Variants in NFKBID observed in about 807,000 individuals in gnomAD.
NFKBID encodes the protein NF-kappa-B inhibitor delta.
NFKBID carries 26 observed loss-of-function variants against 53.4 expected under a neutral mutation model. The observed-to-expected ratio is 0.49, with a 90% confidence interval of 0.36 to 0.68. The LOEUF (loss-of-function observed/expected upper bound fraction) is 0.68, where lower values mean the gene tolerates loss of function less well. Ranked by LOEUF, NFKBID falls within the 30% of genes least tolerant of loss-of-function variation. NFKBID has a pLI of 0.00. For missense variants in NFKBID, 493 were observed against 614.1 expected (o/e 0.80, Z 2.08); for synonymous variants, 262 against 259.8 (o/e 1.01, Z -0.08).
Position 35,898,801 on chromosome 19 carries a change from T to C in NFKBID, c.83A>G (p.His28Arg), listed in dbSNP as rs568595129. ...CTTCTTCACGGTTTGCGTTGGGCAG[T>C]GGCTGCGCTCACCCCTGCTCACTGT... Residue 28 changes from histidine (H) to arginine (R), a missense_variant, in exon 2 of 12, where the codon CAC (histidine) becomes CGC (arginine). Physicochemically the swap from His to Arg is conservative, Grantham distance 29 (BLOSUM62 0). Around this residue, in one of 2 missense-constraint regions of NFKBID, gnomAD observed 226 missense variants for 229.5 expected, o/e 0.98. Coordinates refer to ENST00000641389, the Ensembl canonical transcript of NFKBID. 9.1e-6 allele frequency: 14 copies of C among 1,536,034 alleles called. 1 individual carries two copies. The South Asian group carries it at 1.7e-4, about 18-fold the overall frequency.
At chr19:35,900,611 G>A in exon 1 of NFKBID, 3 of 1,229,904 alleles carry the variant, frequency 2.4e-6, no homozygotes, top group Non-Finnish European at 3.0e-6. Context: ...GGCAGGGCCC[G>A]CCCACAGGCC....
intron 11 of NFKBID, among the ~76,000 whole-genome samples, chr19:35,889,538 G>T (rs184038036): frequency 4.6e-4 from 70 of 152,074 alleles, no homozygotes; most frequent in African/African-American, 1.6e-3. Context: ...CAGGTAAGAG[G>T]TCAAAGGTCA....
At chr19:35,893,291 T>A (rs1974904017) in intron 9 of NFKBID, among the ~76,000 whole-genome samples, 1 of 152,162 alleles carries the variant, frequency 6.6e-6, no homozygotes, top group African/African-American at 2.4e-5. Context: ...AATTTCACCT[T>A]CTCTGTATTG....
intron 9 of NFKBID, 53 bp downstream of exon 9, chr19:35,895,927 T>C: frequency 1.9e-6 from 3 of 1,556,388 alleles, no homozygotes; most frequent in Non-Finnish European, 2.6e-6. Flanking sequence ...GACATCCAAG[T>C]GGCCCCATTC....
In NFKBID at chr19:35,899,497, T is replaced by C. The variant is rs1445331783; in HGVS notation, c.62-675A>G. Among the ~76,000 whole-genome samples the C allele has an allele frequency of 5.6e-5, 8 of 144,092 alleles. No individual in the cohort carries two copies. The East Asian group carries it at 1.2e-3, about 22-fold the overall frequency. The allele number at this position is 144,092 out of a possible 152,430, so 94.5% of individuals were successfully genotyped here. Reference sequence around the variant, plus strand: ...TGAACCCGGGAGGCGGAGGTTGAGGTTGCAGTAAGCGGAGATCGCGCTACT... The same window carrying C: ...TGAACCCGGGAGGCGGAGGTTGAGGCTGCAGTAAGCGGAGATCGCGCTACT... On this transcript the variant is annotated intron_variant, in intron 1 of 11. Coordinates refer to ENST00000641389, the Ensembl canonical transcript of NFKBID.
At position 35,900,428 on chromosome 19, in the gene NFKBID, C is replaced by G. The variant is rs1975497578; in HGVS notation, c.61+14G>C. 1 of 1,231,516 alleles carries G rather than the reference C, an allele frequency of 8.1e-7. No individual in the cohort carries two copies. The highest frequency in any genetic ancestry group is 1.0e-6 in the Non-Finnish European group (1 of 987,412). 76.3% of individuals were successfully genotyped at this position (1,231,516 alleles called of 1,614,324 possible). ...CTCTTAGGGGGCCGAACGCGTCCTG[C>G]CCGCGCCCATTACCTCGGGGATTCC... is the stretch of plus-strand genomic sequence containing the variant. On this transcript the variant is annotated intron_variant, in intron 1 of 11. Transcript: ENST00000641389.
exon 12 of NFKBID, chr19:35,888,513 A>C: frequency 7.1e-7 from 1 of 1,402,240 alleles, no homozygotes; most frequent in South Asian, 1.2e-5. Flanking sequence ...GCTGTCCCGC[A>C]GGACGGTGGG....
At position 35,896,811 on chromosome 19, in the gene NFKBID, G is replaced by A; in HGVS notation, c.599C>T (p.Ala200Val). The A allele has an allele frequency of 6.2e-7, 1 of 1,614,076 alleles. No individual in the cohort carries two copies. Among genetic ancestry groups the A allele is most frequent in the Non-Finnish European group, 8.5e-7 (1 of 1,179,954 alleles). ...ATATGCCGCCCAGCGCAGCCCCCGAGCCGCAAACAGGTGAAGGAGCCTGAG... is the reference window on the plus strand; with the variant it reads ...ATATGCCGCCCAGCGCAGCCCCCGAACCGCAAACAGGTGAAGGAGCCTGAG... Residue 200 changes from alanine (A) to valine (V), a missense_variant, in exon 6 of 12, where the codon GCT becomes GTT. Ala to Val is a moderately conservative substitution (Grantham distance 64). Around this residue, in one of 2 missense-constraint regions of NFKBID, gnomAD observed 267 missense variants for 384.6 expected, o/e 0.69. Transcript: ENST00000641389. The surrounding 1 kb of genome is among the most constrained non-coding windows in gnomAD (Gnocchi z 5.7).
At chr19:35,899,719 G>A (rs1439304261) in intron 1 of NFKBID, 1 of 152,004 alleles carries the variant, frequency 6.6e-6, no homozygotes. Flanking sequence ...TTCCGAGCCT[G>A]GGTTCCGGCG....
At chr19:35,901,483 C>T (rs1432307561), upstream of NFKBID, 1 of 152,218 alleles carries the variant, frequency 6.6e-6, no homozygotes, top group Non-Finnish European at 1.5e-5. Flanking sequence ...AGCTGGCATT[C>T]CAGTGGGAGG....
Position 35,896,940 on chromosome 19 carries a change from A to C in NFKBID, c.551T>G (p.Leu184Arg). Residue 184 changes from leucine (L) to arginine (R), a missense_variant, in exon 5 of 12, where the codon CTG becomes CGG. By Grantham distance (102) the Leu-to-Arg change is moderately radical. Around this residue, in one of 2 missense-constraint regions of NFKBID, gnomAD observed 267 missense variants for 384.6 expected, o/e 0.69. Transcript: ENST00000641389. The surrounding 1 kb of genome is among the most constrained non-coding windows in gnomAD (Gnocchi z 5.7). The stretch of plus-strand genomic sequence containing the variant: ...GTCCCCCTCCTCATCCTGGGCCAGC[A>C]GCTGCTGTGGCCCCAAAGCCAGCAT... The C allele has an allele frequency of 6.2e-7, 1 of 1,607,434 alleles. No individual in the cohort carries two copies. Among genetic ancestry groups the C allele is most frequent in the Non-Finnish European group, 8.5e-7 (1 of 1,175,780 alleles).
chr19:35,889,807 G>T, intron 11 of NFKBID, 83 bp downstream of exon 11: 1 of 1,372,066 alleles, frequency 7.3e-7, no homozygotes, highest in African/African-American at 1.4e-5. Context: ...TTCTCTGAAA[G>T]CGAGCATTGG....
intron 3 of NFKBID, 86 bp downstream of exon 3, chr19:35,898,386 C>G: frequency 2.4e-6 from 2 of 817,316 alleles, no homozygotes; most frequent in Non-Finnish European, 3.9e-6. Flanking sequence ...GGGCCTGACT[C>G]CCAGGTGTCC....
Position 35,896,478 on chromosome 19 carries a change from G to A in NFKBID, c.745C>T (p.Leu249=), listed in dbSNP as rs751478496. Residue 249 remains leucine (L), a synonymous_variant, in exon 7 of 12, where the codon CTG becomes TTG. Transcript: ENST00000641389. This position sits in a 1 kb window ranked among gnomAD's most constrained non-coding sequence, Gnocchi z 5.7. ...TCAGCGGCATTGGGCTCTGCTCCCA[G>A]GTTCAACAGATCCTCCACAATCAGG... The A allele has an allele frequency of 2.5e-6, 4 of 1,614,062 alleles. No homozygotes were observed. In the South Asian group the frequency reaches 3.3e-5, roughly 13 times the overall value.
chr19:35,896,186 A>C lies in NFKBID; in HGVS notation c.883+32T>G. ...TGCACCCACCTCGCCCAGCCACACCAACCACACCAGCCCTGCCCACACCCA... is the reference window on the plus strand; with the variant it reads ...TGCACCCACCTCGCCCAGCCACACCCACCACACCAGCCCTGCCCACACCCA... On this transcript the variant is annotated intron_variant, in intron 8 of 11. Coordinates refer to ENST00000641389, the Ensembl canonical transcript of NFKBID. This position sits in a 1 kb window ranked among gnomAD's most constrained non-coding sequence, Gnocchi z 5.7. 6.2e-7 allele frequency: 1 copy of C among 1,614,118 alleles called. No individual in the cohort carries two copies. The highest frequency in any genetic ancestry group is 1.1e-5 in the South Asian group (1 of 91,084).
At chr19:35,900,577 G>A in exon 1 of NFKBID, 1 of 1,231,320 alleles carries the variant, frequency 8.1e-7, no homozygotes, top group Non-Finnish European at 1.0e-6. Flanking sequence ...TTTAAACTAG[G>A]GGTTATGGCA....
intron 10 of NFKBID, 61 bp downstream of exon 10, chr19:35,890,313 C>A: frequency 8.5e-7 from 1 of 1,176,030 alleles, no homozygotes; most frequent in Non-Finnish European, 1.3e-6. Context: ...GGACCCCTAA[C>A]ATCCCACTGC....
At chr19:35,893,675 C>G (rs1039544775) in intron 9 of NFKBID, among the ~76,000 whole-genome samples, 4 of 151,920 alleles carry the variant, frequency 2.6e-5, no homozygotes, top group African/African-American at 4.8e-5. Flanking sequence ...AAAAATTTAG[C>G]CGGGCGTGGT....
intron 10 of NFKBID, 43 bp downstream of exon 10, chr19:35,890,331 A>AC: frequency 1.5e-6 from 2 of 1,354,994 alleles, no homozygotes; most frequent in Non-Finnish European, 2.1e-6. Flanking sequence ...TGCCCCCCCT[A>AC]CCGTACCCCA....
Sources: allele counts gnomAD v4.1 joint callset (sites outside exome capture counted in the v4.1 genomes callset), GRCh38; gene constraint gnomAD v4.1.1; regional missense constraint gnomAD v4.1.1; non-coding constraint Gnocchi (gnomAD v3.1); transcripts MANE v1.5; gene names NCBI Gene and HGNC (gene_info 2026-07-23, HGNC 2026-07-21).